The following GUCY2C variants were observed in gnomAD, a reference collection of about 807,000 sequenced individuals.
GUCY2C encodes guanylate cyclase 2C.
In GUCY2C, 118 loss-of-function variants were observed where a neutral mutation model predicts 131.1. The observed-to-expected ratio is 0.90, with a 90% CI of 0.78 to 1.05. GUCY2C has a LOEUF of 1.05. GUCY2C is among the 50% of genes least tolerant of loss of function. The pLI is 0.00. For missense variants in GUCY2C, 1,161 were observed against 1,304.4 expected (o/e 0.89, Z 1.69); for synonymous variants, 452 against 457.8 (o/e 0.99, Z 0.16).
intron 1 of GUCY2C, among the ~76,000 whole-genome samples, chr12:14,688,983 A>G (rs567341048): frequency 1.4e-4 from 21 of 152,306 alleles, no homozygotes; most frequent in South Asian, 1.2e-3. Context: ...AGTGCTTTCA[A>G]TTTATTCCAG....
rs1947696105 is a variant in GUCY2C at position 14,653,011 on chromosome 12, C to T, written c.1474G>A (p.Asp492Asn). Residue 492 changes from aspartate to asparagine, a missense_variant, in exon 13 of 27, where the codon GAT becomes AAT. Asp to Asn is a conservative substitution (Grantham distance 23). Transcript: ENST00000261170. ...ATTGTATCTCGTCTTTTGTCATCATCGATCTGGCACAAGAAAAGGCTAATT... is the reference window on the plus strand; with the variant it reads ...ATTGTATCTCGTCTTTTGTCATCATTGATCTGGCACAAGAAAAGGCTAATT... ...NETNHVSLKI[D>N]DDKRRDTIQR... is the part of the protein sequence containing the mutation. 1.9e-6 allele frequency: 3 copies of T among 1,608,268 alleles called. No homozygotes were observed. Among genetic ancestry groups the T allele is most frequent in the African/African-American group, 1.3e-5 (1 of 74,810 alleles).
intron 19 of GUCY2C, among the ~76,000 whole-genome samples, chr12:14,639,542 A>G (rs1480708042): frequency 6.6e-6 from 1 of 152,206 alleles, no homozygotes; most frequent in Non-Finnish European, 1.5e-5. Context: ...TTCTGGGTGG[A>G]CCCAAATGCA....
chr12:14,634,610 CATA>C (rs1336655183), intron 19 of GUCY2C, among the ~76,000 whole-genome samples: 1 of 152,206 alleles, frequency 6.6e-6, no homozygotes, highest in African/African-American at 2.4e-5. Flanking sequence ...TAAGCCCTTA[CATA>C]ATAATAACTT....
Position 14,696,449 on chromosome 12 carries a change from G to T in GUCY2C, c.-1C>A. On this transcript the variant is annotated 5_prime_UTR_variant, in exon 1 of 27. Transcript: ENST00000261170. Reference sequence around the variant, plus strand: ...CCAAGTCCAACAGCAACGTCTTCATGACCCCAATCACGTTAGAACCATACT... The same window carrying T: ...CCAAGTCCAACAGCAACGTCTTCATTACCCCAATCACGTTAGAACCATACT... 6.2e-7 allele frequency: 1 copy of T among 1,611,618 alleles called. No homozygotes were observed. Among genetic ancestry groups the T allele is most frequent in the South Asian group, 1.1e-5 (1 of 90,960 alleles).
chr12:14,695,266 T>TC (rs1399413145), intron 1 of GUCY2C, among the ~76,000 whole-genome samples: 1 of 152,146 alleles, frequency 6.6e-6, no homozygotes, highest in Non-Finnish European at 1.5e-5. Flanking sequence ...CTGCTTTTTT[T>TC]CCCCCTTTAT....
At chr12:14,617,468 T>G (rs1286983444) in intron 24 of GUCY2C, among the ~76,000 whole-genome samples, 2 of 152,118 alleles carry the variant, frequency 1.3e-5, no homozygotes, top group African/African-American at 4.8e-5. Flanking sequence ...AGCTTGGGTG[T>G]TGGAGTTTGG....
chr12:14,613,106 C>G lies in GUCY2C; in HGVS notation c.*11G>C. ...TTTTAATTTGTGTGAGTCCTTATAC[C>G]TCATTTAGGTTTAAAAATAGGTGCT... On this transcript the variant is annotated 3_prime_UTR_variant, in exon 27 of 27. Coordinates refer to ENST00000261170, the MANE Select transcript of GUCY2C (RefSeq NM_004963.4). This position sits in a 1 kb window ranked among gnomAD's most constrained non-coding sequence, Gnocchi z 4.9. 1 of 1,608,460 alleles carries G rather than the reference C, an allele frequency of 6.2e-7. No individual in the cohort carries two copies. Among genetic ancestry groups the G allele is most frequent in the Non-Finnish European group, 8.5e-7 (1 of 1,175,262 alleles).
chr12:14,638,639 T>C (rs1452885400), intron 19 of GUCY2C, among the ~76,000 whole-genome samples: 1 of 152,162 alleles, frequency 6.6e-6, no homozygotes, highest in Admixed American at 6.5e-5. Flanking sequence ...TTCTCACTCA[T>C]GCAGGGGCTG....
chr12:14,658,945 T>C (rs1455941068), intron 11 of GUCY2C, among the ~76,000 whole-genome samples: 1 of 151,954 alleles, frequency 6.6e-6, no homozygotes, highest in Non-Finnish European at 1.5e-5. Context: ...GCATGTTCCA[T>C]TTCTAATCCC....
At chr12:14,636,471 C>T (rs1947272647) in intron 19 of GUCY2C, among the ~76,000 whole-genome samples, 1 of 152,012 alleles carries the variant, frequency 6.6e-6, no homozygotes, top group Non-Finnish European at 1.5e-5. Context: ...ATAATAAAGG[C>T]CAGCCATATA....
At position 14,652,968 on chromosome 12, in the gene GUCY2C, C is replaced by T; in HGVS notation, c.1517G>A (p.Cys506Tyr). The change falls in exon 13 of 27, where the codon TGC becomes TAC. Residue 506 changes from cysteine to tyrosine, a missense_variant. By Grantham distance (194) the Cys-to-Tyr change is radical (BLOSUM62 -2). Coordinates refer to ENST00000261170, the MANE Select transcript of GUCY2C (RefSeq NM_004963.4). The part of the protein sequence containing the change: ...RRDTIQRLRQ[C>Y]KYDKKRVILK... ...AGAGGTCACCTTTTTGTCGTATTTG[C>T]ACTGTCGTAGTCTCTGGATTGTATC... is the stretch of plus-strand genomic sequence containing the variant. 6.2e-7 allele frequency: 1 copy of T among 1,610,784 alleles called. No homozygotes were observed.
At chr12:14,687,718 A>G (rs1167043067) in intron 2 of GUCY2C, among the ~76,000 whole-genome samples, 1 of 152,232 alleles carries the variant, frequency 6.6e-6, no homozygotes, top group South Asian at 2.1e-4. Context: ...GAAAGTGTAC[A>G]CACAGTACAT....
chr12:14,636,515 T>C (rs975828375), intron 19 of GUCY2C, among the ~76,000 whole-genome samples: 1 of 152,072 alleles, frequency 6.6e-6, no homozygotes, highest in African/African-American at 2.4e-5. Context: ...AGCCATATAC[T>C]ACAAACCTGC....
chr12:14,618,794 C>A (rs1315616891), intron 24 of GUCY2C, among the ~76,000 whole-genome samples: 1 of 152,030 alleles, frequency 6.6e-6, no homozygotes, highest in Non-Finnish European at 1.5e-5. Flanking sequence ...GAACGAGAGC[C>A]TGTCTCTAAA....
rs746455153 is a variant in GUCY2C, at chr12:14,613,238, A to G, written c.3101T>C (p.Leu1034Ser). The stretch of plus-strand genomic sequence containing the variant: ...TATCCCTGCTGCCTGTCTTTTCTGT[A>G]AAGAGTTGGCAATCATGTCTGAAAA... ...AEFSDMIANSLQKRQAAGIRS... is the reference protein window; with the variant it reads ...AEFSDMIANSSQKRQAAGIRS... Residue 1034 changes from leucine (L) to serine (S), a missense_variant, in exon 27 of 27, where the codon TTA (leucine) becomes TCA (serine). Leu to Ser is a moderately radical substitution (Grantham distance 145). Coordinates refer to ENST00000261170, the MANE Select transcript of GUCY2C (RefSeq NM_004963.4). This position sits in a 1 kb window ranked among gnomAD's most constrained non-coding sequence, Gnocchi z 4.9. The G allele has an allele frequency of 1.7e-5, 28 of 1,613,268 alleles. No individual in the cohort carries two copies. Among genetic ancestry groups the G allele is most frequent in the Middle Eastern group, 1.6e-4 (1 of 6,076 alleles).
intron 19 of GUCY2C, among the ~76,000 whole-genome samples, chr12:14,639,500 C>T (rs1023901925): frequency 1.3e-5 from 2 of 152,038 alleles, no homozygotes; most frequent in Non-Finnish European, 2.9e-5. Flanking sequence ...AATTAAGTTA[C>T]AATTCTTGAG....
chr12:14,637,876 G>A (rs1947306374), intron 19 of GUCY2C, among the ~76,000 whole-genome samples: 1 of 152,128 alleles, frequency 6.6e-6, no homozygotes, highest in African/African-American at 2.4e-5. Flanking sequence ...ATAGACAAAT[G>A]GGACTATATT....
At chr12:14,670,626 G>T (rs1383481773) in intron 9 of GUCY2C, among the ~76,000 whole-genome samples, 1 of 151,766 alleles carries the variant, frequency 6.6e-6, no homozygotes, top group Non-Finnish European at 1.5e-5. Context: ...CATGGGACCG[G>T]TCTTTCCCCT....
chr12:14,613,239 A>G lies in GUCY2C; in HGVS notation c.3100T>C (p.Leu1034=). ...AEFSDMIANS[L]QKRQAAGIRS... ...ATCCCTGCTGCCTGTCTTTTCTGTA[A>G]AGAGTTGGCAATCATGTCTGAAAAT... is the stretch of plus-strand genomic sequence containing the variant. The change falls in exon 27 of 27, where the codon TTA becomes CTA. Residue 1034 remains leucine (L), a synonymous_variant. Transcript: ENST00000261170. The surrounding 1 kb of genome is among the most constrained non-coding windows in gnomAD (Gnocchi z 4.9). 1 of 1,613,380 alleles carries G rather than the reference A, an allele frequency of 6.2e-7. No individual in the cohort carries two copies. The highest frequency in any genetic ancestry group is 2.2e-5 in the East Asian group (1 of 44,850).
Sources: gnomAD v4.1 joint callset for allele counts (sites outside exome capture counted in the v4.1 genomes callset) on GRCh38, gnomAD v4.1.1 for gene constraint, Gnocchi (gnomAD v3.1) non-coding constraint, MANE v1.5 for transcripts, NCBI Gene and HGNC (gene_info 2026-07-23, HGNC 2026-07-21) for gene names.